Variants in CLASP2 observed in about 807,000 individuals in gnomAD.
CLASP2 encodes the protein cytoplasmic linker associated protein 2, also known as CLIP-associating protein 2.
CLASP2 carries 47 observed loss-of-function variants against 194.4 expected under a neutral mutation model. The observed-to-expected ratio is 0.24, with a 90% CI of 0.19 to 0.31. The LOEUF (loss-of-function observed/expected upper bound fraction) is 0.31, where lower values mean the gene tolerates loss of function less well. Among genes scored for constraint, CLASP2 ranks in the 10% least tolerant of loss-of-function variants. CLASP2 has a pLI of 1.00. For synonymous variants in CLASP2, 619 were observed against 633.5 expected (o/e 0.98, Z 0.34); for missense variants, 1,445 against 1,823.6 (o/e 0.79, Z 3.78).
chr3:33,588,525 A>G lies in CLASP2; in HGVS notation c.2069-3605T>C, dbSNP rs570223749. On this transcript the variant is annotated intron_variant, in intron 21 of 38. Coordinates refer to ENST00000682230, the MANE Select transcript of CLASP2 (RefSeq NM_001365631.1). The stretch of plus-strand genomic sequence containing the variant: ...TATTAACTTGTGTCATTTAAAAAAA[A>G]TCAAAATTTTGGTAATAAGACAAAG... Among the ~76,000 whole-genome samples, 26 of 152,318 alleles carry G rather than the reference A, an allele frequency of 1.7e-4. No homozygotes were observed. The South Asian group carries it at 5.4e-3, about 32-fold the overall frequency.
At chr3:33,592,272 T>C (rs1254183148) in intron 21 of CLASP2, 123 bp downstream of exon 21, 1 of 759,582 alleles carries the variant, frequency 1.3e-6, no homozygotes, top group Non-Finnish European at 2.3e-6. Flanking sequence ...AGTATGTGGC[T>C]TGTCTTTTTT....
chr3:33,583,474 G>T (rs28566146), intron 22 of CLASP2, among the ~76,000 whole-genome samples: 23,236 of 152,136 alleles, frequency 0.15, 2,297 homozygotes, highest in African/African-American at 0.28. Flanking sequence ...CAGTACACTA[G>T]GTGTCTTGGC....
chr3:33,535,875 G>A (rs2057227550), intron 33 of CLASP2, among the ~76,000 whole-genome samples: 1 of 149,160 alleles, frequency 6.7e-6, no homozygotes, highest in African/African-American at 2.5e-5. Context: ...ACAACAGTAT[G>A]TCAAAAAAGC....
At chr3:33,606,463 G>A (rs1260943286) in intron 16 of CLASP2, 128 bp downstream of exon 16, 1 of 634,942 alleles carries the variant, frequency 1.6e-6, no homozygotes, top group Non-Finnish European at 2.6e-6. Flanking sequence ...AAATAAATAA[G>A]TGTATTAGAG....
At chr3:33,659,167 A>T in intron 7 of CLASP2, 1 of 1,383,088 alleles carries the variant, frequency 7.2e-7, no homozygotes. Flanking sequence ...TCCACTTCAA[A>T]ATAAAAGTCT....
At chr3:33,509,936 A>G (rs1189040680) in intron 37 of CLASP2, among the ~76,000 whole-genome samples, 1 of 152,220 alleles carries the variant, frequency 6.6e-6, no homozygotes, top group Admixed American at 6.5e-5. Context: ...GTGCATGAAG[A>G]TATTACAAGG....
chr3:33,697,192 C>T (rs954300278), intron 1 of CLASP2, among the ~76,000 whole-genome samples: 6 of 152,120 alleles, frequency 3.9e-5, no homozygotes, highest in African/African-American at 7.2e-5. Context: ...GTAAATTAGA[C>T]AAAGGTCACA....
rs142097398 is a variant in CLASP2 at position 33,636,660 on chromosome 3, G to A, written c.863-4289C>T. ...TCTCTTGCCAGGCTGGAGTGCAGTG[G>A]TGTGATCTCAGCTCACTGCAACCTC... On this transcript the variant is annotated intron_variant, in intron 8 of 38. Transcript: ENST00000682230. 1.2e-3 allele frequency among the ~76,000 whole-genome samples: 178 copies of A among 152,272 alleles called. 1 individual carries two copies. Among genetic ancestry groups the A allele is most frequent in the Non-Finnish European group, 1.9e-3 (132 of 68,024 alleles).
intron 1 of CLASP2, among the ~76,000 whole-genome samples, chr3:33,698,865 T>C (rs965154911): frequency 1.1e-4 from 16 of 152,200 alleles, no homozygotes; most frequent in African/African-American, 2.9e-4. Flanking sequence ...GAGGGATAAA[T>C]ACCAATATCA....
Position 33,497,202 on chromosome 3 carries a change from T to C in CLASP2, c.*1429A>G, listed in dbSNP as rs1264094569. 1 of 152,508 alleles carries C rather than the reference T, an allele frequency of 6.6e-6. No individual in the cohort carries two copies. Among genetic ancestry groups the C allele is most frequent in the Non-Finnish European group, 1.5e-5 (1 of 68,010 alleles). The allele number at this position is 152,508 out of a possible 1,614,324, so 9.4% of individuals were successfully genotyped here. On this transcript the variant is annotated 3_prime_UTR_variant, in exon 39 of 39. Transcript: ENST00000682230. ...ATCCATTCAGTACTCTTGTCTTAAA[T>C]TCTTTACATATATTTCTACATTTTT...
At chr3:33,678,845 A>G (rs987662444) in intron 6 of CLASP2, among the ~76,000 whole-genome samples, 2 of 152,242 alleles carry the variant, frequency 1.3e-5, no homozygotes, top group African/African-American at 4.8e-5. Context: ...AGTTCTTCCC[A>G]ACTTGATCTA....
At chr3:33,560,429 G>A (rs1244179718) in intron 28 of CLASP2, among the ~76,000 whole-genome samples, 1 of 152,014 alleles carries the variant, frequency 6.6e-6, no homozygotes, top group South Asian at 2.1e-4. Context: ...TTTTAGTAGA[G>A]ATATGGTTTC....
intron 15 of CLASP2, among the ~76,000 whole-genome samples, chr3:33,607,136 A>G (rs1360440341): frequency 1.3e-5 from 2 of 152,250 alleles, no homozygotes; most frequent in African/African-American, 4.8e-5. Flanking sequence ...GATAAGTGAT[A>G]GTCTTTTTAT....
Position 33,619,538 on chromosome 3 carries a change from G to C in CLASP2, c.1317+65C>G. 2.8e-6 allele frequency: 4 copies of C among 1,433,454 alleles called. No individual in the cohort carries two copies. The South Asian group carries it at 5.7e-5, about 20-fold the overall frequency. 88.8% of individuals were successfully genotyped at this position (1,433,454 alleles called of 1,614,324 possible). A position where few individuals can be genotyped will look rare whatever the true frequency, so the allele number is the denominator to read the frequency against. ...TGGGGTGGGGAAAGGAGAGAAAAAG[G>C]GGGAGGAAGAAGAAACAAAAGTGGG... is the stretch of plus-strand genomic sequence containing the variant. On this transcript the variant is annotated intron_variant, in intron 12 of 38. Transcript: ENST00000682230.
chr3:33,708,819 T>C (rs2092858978), intron 1 of CLASP2, among the ~76,000 whole-genome samples: 1 of 152,096 alleles, frequency 6.6e-6, no homozygotes, highest in Non-Finnish European at 1.5e-5. Flanking sequence ...CCATCAACAG[T>C]GTACAATTTT....
chr3:33,674,876 G>C (rs1392621892), intron 6 of CLASP2, among the ~76,000 whole-genome samples: 1 of 152,092 alleles, frequency 6.6e-6, no homozygotes, highest in Non-Finnish European at 1.5e-5. Flanking sequence ...ACCCTCCCAA[G>C]ACTAAACCAG....
chr3:33,522,067 T>G (rs2154112030), intron 34 of CLASP2, among the ~76,000 whole-genome samples: 1 of 152,278 alleles, frequency 6.6e-6, no homozygotes, highest in South Asian at 2.1e-4. Flanking sequence ...TAGTCACAGC[T>G]GCTTCTGATA....
intron 1 of CLASP2, among the ~76,000 whole-genome samples, chr3:33,713,943 A>C (rs530318443): frequency 3.5e-4 from 53 of 152,346 alleles, no homozygotes; most frequent in Non-Finnish European, 6.3e-4. Context: ...GATATTGAAG[A>C]GGTTTATAAA....
At chr3:33,542,647 CAT>C (rs2058551597) in intron 32 of CLASP2, among the ~76,000 whole-genome samples, 1 of 147,752 alleles carries the variant, frequency 6.8e-6, no homozygotes, top group African/African-American at 2.5e-5. Context: ...TTATATATGA[CAT>C]ATATGTAATT....
Sources: allele counts gnomAD v4.1 joint callset (sites outside exome capture counted in the v4.1 genomes callset), GRCh38; gene constraint gnomAD v4.1.1; transcripts MANE v1.5; gene names NCBI Gene and HGNC (gene_info 2026-07-23, HGNC 2026-07-21).